The following B3GLCT variants were observed in gnomAD, a reference collection of about 807,000 sequenced individuals.
The protein encoded by B3GLCT is beta-1,3-glucosyltransferase.
A neutral mutation model predicts 63.4 loss-of-function variants in B3GLCT; 65 were observed. That is an observed-to-expected ratio of 1.03 (90% confidence interval 0.84 to 1.26). The LOEUF is 1.26. Among genes scored for constraint, B3GLCT ranks in the 50% most tolerant of loss-of-function variants. The pLI is 0.00. For missense variants in B3GLCT, 577 were observed against 604.8 expected, an observed-to-expected ratio of 0.95 and a Z score of 0.48; for synonymous variants, 233 against 219.2, an observed-to-expected ratio of 1.06 and a Z score of -0.55.
chr13:31,300,848 A>G (rs1422617456), intron 12 of B3GLCT, among the ~76,000 whole-genome samples: 2 of 152,188 alleles, frequency 1.3e-5, no homozygotes, highest in African/African-American at 4.8e-5. Flanking sequence ...ACACTTTAGC[A>G]AAGTTCAGGC....
intron 12 of B3GLCT, chr13:31,312,330 T>C (rs1359482587): frequency 6.6e-6 from 1 of 152,210 alleles, no homozygotes; most frequent in Non-Finnish European, 1.5e-5. Flanking sequence ...ATAAAGTTAC[T>C]TATGTCAAGG....
intron 4 of B3GLCT, among the ~76,000 whole-genome samples, chr13:31,230,160 A>G (rs1281093178): frequency 6.6e-6 from 1 of 152,232 alleles, no homozygotes; most frequent in African/African-American, 2.4e-5. Context: ...ATCTACGCAT[A>G]TAGGTACATT....
intron 12 of B3GLCT, among the ~76,000 whole-genome samples, chr13:31,288,726 T>TA (rs1873479473): frequency 6.6e-6 from 1 of 152,076 alleles, no homozygotes. Context: ...ACCAACAACA[T>TA]ATATACATCT....
chr13:31,249,656 A>G (rs962309626), intron 6 of B3GLCT, among the ~76,000 whole-genome samples: 8 of 152,244 alleles, frequency 5.3e-5, no homozygotes, highest in African/African-American at 1.9e-4. Context: ...AAGTTCATGA[A>G]AAGCAAGTAC....
intron 1 of B3GLCT, among the ~76,000 whole-genome samples, chr13:31,206,584 C>CA (rs11322955): frequency 0.027 from 3,236 of 118,598 alleles, 140 homozygotes; most frequent in African/African-American, 0.099. Context: ...ACTAAAAATG[C>CA]AAAAAAAAAA....
At chr13:31,293,948 T>A (rs1487227232) in intron 12 of B3GLCT, among the ~76,000 whole-genome samples, 2 of 152,240 alleles carry the variant, frequency 1.3e-5, no homozygotes, top group African/African-American at 4.8e-5. Context: ...CTGGTACCGC[T>A]TTTTCCTTTC....
chr13:31,271,696 T>A (rs931688613), intron 8 of B3GLCT, among the ~76,000 whole-genome samples: 1 of 152,218 alleles, frequency 6.6e-6, no homozygotes, highest in Admixed American at 6.5e-5. Context: ...GTATTAATGA[T>A]GCTTTTCAGA....
At chr13:31,210,308 T>C (rs987085744) in intron 1 of B3GLCT, among the ~76,000 whole-genome samples, 1 of 152,184 alleles carries the variant, frequency 6.6e-6, no homozygotes, top group Admixed American at 6.5e-5. Context: ...AAAAGCATGA[T>C]TTACCCTGGA....
intron 1 of B3GLCT, among the ~76,000 whole-genome samples, chr13:31,205,892 A>G (rs374140670): frequency 3.0e-4 from 45 of 152,360 alleles, no homozygotes; most frequent in African/African-American, 1.0e-3. Context: ...AAGTATCATC[A>G]AATAAGAGTT....
intron 4 of B3GLCT, among the ~76,000 whole-genome samples, chr13:31,246,236 A>T (rs1295799261): frequency 6.6e-6 from 1 of 152,206 alleles, no homozygotes; most frequent in Non-Finnish European, 1.5e-5. Context: ...GTTTAAGCAT[A>T]TGAGATATGA....
intron 6 of B3GLCT, among the ~76,000 whole-genome samples, chr13:31,254,364 G>A (rs530594486): frequency 9.5e-4 from 145 of 152,296 alleles, no homozygotes; most frequent in African/African-American, 3.3e-3. Context: ...TGCAAGGCTG[G>A]CTCAACATAT....
chr13:31,221,822 C>T (rs1177315250), intron 2 of B3GLCT, among the ~76,000 whole-genome samples: 1 of 152,150 alleles, frequency 6.6e-6, no homozygotes, highest in African/African-American at 2.4e-5. Context: ...GCCACCATCC[C>T]GTTGTCATAA....
At chr13:31,240,160 A>G (rs1566057279) in intron 4 of B3GLCT, among the ~76,000 whole-genome samples, 1 of 152,158 alleles carries the variant, frequency 6.6e-6, no homozygotes, top group Admixed American at 6.5e-5. Context: ...AGAAGTCAGG[A>G]TGCTTAAAAG....
chr13:31,312,874 GA>G (rs1242429715), intron 12 of B3GLCT: 2 of 152,236 alleles, frequency 1.3e-5, no homozygotes, highest in African/African-American at 4.8e-5. Context: ...GAGAACAGCA[GA>G]TCAGATTTTT....
At chr13:31,278,218 G>A (rs1012877661) in intron 10 of B3GLCT, among the ~76,000 whole-genome samples, 1 of 151,920 alleles carries the variant, frequency 6.6e-6, no homozygotes, top group African/African-American at 2.4e-5. Context: ...TCACAGTGAA[G>A]CAGTAAAATT....
At chr13:31,217,249 T>C (rs1206740078) in intron 2 of B3GLCT, among the ~76,000 whole-genome samples, 3 of 152,252 alleles carry the variant, frequency 2.0e-5, no homozygotes, top group Non-Finnish European at 4.4e-5. Context: ...ATGTCTTCTT[T>C]TGAGAAGTGT....
chr13:31,212,380 T>G (rs1869313226), intron 1 of B3GLCT, among the ~76,000 whole-genome samples: 1 of 151,660 alleles, frequency 6.6e-6, no homozygotes, highest in African/African-American at 2.4e-5. Context: ...GTTCAAGCGA[T>G]TCTCCTGCCT....
chr13:31,243,208 T>G (rs770850608), intron 4 of B3GLCT, among the ~76,000 whole-genome samples: 76 of 152,370 alleles, frequency 5.0e-4, no homozygotes, highest in Non-Finnish European at 9.4e-4. Context: ...TGCCTAATGC[T>G]GATCTTACTT....
chr13:31,227,339 A>T (rs1194055257), intron 3 of B3GLCT, among the ~76,000 whole-genome samples: 3 of 151,984 alleles, frequency 2.0e-5, no homozygotes, highest in Non-Finnish European at 4.4e-5. Context: ...TAAAAAAAAA[A>T]TTATTCTCTG....
Sources: gnomAD v4.1 joint callset for allele counts (sites outside exome capture counted in the v4.1 genomes callset) on GRCh38, gnomAD v4.1.1 for gene constraint, MANE v1.5 for transcripts, NCBI Gene and HGNC (gene_info 2026-07-23, HGNC 2026-07-21) for gene names.